The following KCNIP4 variants were observed in gnomAD, a reference collection of about 807,000 sequenced individuals.
KCNIP4 encodes the protein potassium voltage-gated channel interacting protein 4, also known as Kv channel-interacting protein 4.
KCNIP4 carries 12 observed loss-of-function variants against 34.0 expected under a neutral mutation model. The ratio of observed to expected loss-of-function variants is 0.35; its 90% CI spans 0.23 to 0.57. The LOEUF is 0.57. KCNIP4 is among the 20% of genes least tolerant of loss of function. The pLI, the probability that KCNIP4 is intolerant of heterozygous loss-of-function variation, is 0.83. For synonymous variants in KCNIP4, 124 were observed against 102.2 expected (o/e 1.21, Z -1.29); for missense variants, 238 against 311.7 (o/e 0.76, Z 1.78).
intron 1 of KCNIP4, among the ~76,000 whole-genome samples, chr4:21,726,823 G>A (rs550196228): frequency 2.6e-5 from 4 of 152,180 alleles, no homozygotes; most frequent in East Asian, 3.9e-4. Context: ...GGCTTCAATC[G>A]ATGGATCAAT....
chr4:21,141,951 A>T (rs186032266), intron 1 of KCNIP4, among the ~76,000 whole-genome samples: 9 of 151,286 alleles, frequency 5.9e-5, no homozygotes, highest in Non-Finnish European at 1.2e-4. Context: ...GAAGTTCGAG[A>T]CCAGCCTGGC....
chr4:21,448,644 A>C (rs1009458524), intron 1 of KCNIP4, among the ~76,000 whole-genome samples: 19 of 152,086 alleles, frequency 1.2e-4, no homozygotes, highest in African/African-American at 4.6e-4. Context: ...ATATACAAAA[A>C]ATGCTAAAAT....
intron 1 of KCNIP4, among the ~76,000 whole-genome samples, chr4:21,825,237 A>T (rs1440540558): frequency 6.6e-6 from 1 of 152,130 alleles, no homozygotes; most frequent in African/African-American, 2.4e-5. Context: ...AGAAAAAAAT[A>T]TGTATAAAAT....
chr4:21,938,902 T>C lies in KCNIP4; in HGVS notation c.61+9669A>G, dbSNP rs76528689. On this transcript the variant is annotated intron_variant, in intron 1 of 8. Transcript: ENST00000382152. ...TATATTCTGAAACTTTTACTAGCACTGTGTCTCTCATATAGGAGGTGATTG... is the reference window on the plus strand; with the variant it reads ...TATATTCTGAAACTTTTACTAGCACCGTGTCTCTCATATAGGAGGTGATTG... 3.3e-4 allele frequency among the ~76,000 whole-genome samples: 51 copies of C among 152,314 alleles called. 1 individual carries two copies. In the East Asian group the frequency reaches 9.3e-3, roughly 28 times the overall value.
intron 1 of KCNIP4, among the ~76,000 whole-genome samples, chr4:21,529,552 T>G (rs1736495992): frequency 6.6e-6 from 1 of 152,212 alleles, no homozygotes; most frequent in African/African-American, 2.4e-5. Flanking sequence ...TTTTTTTATC[T>G]TCTTTTTCTT....
At chr4:21,293,189 A>G (rs1423689055) in intron 1 of KCNIP4, among the ~76,000 whole-genome samples, 1 of 152,204 alleles carries the variant, frequency 6.6e-6, no homozygotes, top group East Asian at 1.9e-4. Flanking sequence ...GGTTACATTC[A>G]TAGGATATAT....
At chr4:21,178,411 C>T (rs995228635) in intron 1 of KCNIP4, among the ~76,000 whole-genome samples, 2 of 152,114 alleles carry the variant, frequency 1.3e-5, no homozygotes, top group African/African-American at 4.8e-5. Flanking sequence ...TTCCAGGTGT[C>T]ACTTAGTGTC....
intron 1 of KCNIP4, among the ~76,000 whole-genome samples, chr4:21,736,543 C>A (rs1222597709): frequency 1.3e-5 from 2 of 152,198 alleles, no homozygotes; most frequent in Admixed American, 6.5e-5. Context: ...TTCCTGGCAA[C>A]AGAATGCCCA....
intron 1 of KCNIP4, chr4:21,697,341 A>G: frequency 7.0e-7 from 1 of 1,426,524 alleles, no homozygotes; most frequent in Non-Finnish European, 9.2e-7. Flanking sequence ...AAAAAAAAAA[A>G]GTCATTACCT....
intron 1 of KCNIP4, among the ~76,000 whole-genome samples, chr4:21,758,374 A>G (rs907581977): frequency 6.6e-6 from 1 of 152,218 alleles, no homozygotes; most frequent in African/African-American, 2.4e-5. Flanking sequence ...GCATGTTTGG[A>G]AAGTGCCTTA....
chr4:21,135,746 G>C (rs1277323480), intron 1 of KCNIP4, among the ~76,000 whole-genome samples: 1 of 152,116 alleles, frequency 6.6e-6, no homozygotes, highest in Non-Finnish European at 1.5e-5. Flanking sequence ...GGCAAATCTT[G>C]GGCTCGAAAG....
intron 1 of KCNIP4, among the ~76,000 whole-genome samples, chr4:21,128,278 A>C (rs953749167): frequency 6.6e-6 from 1 of 152,218 alleles, no homozygotes; most frequent in Non-Finnish European, 1.5e-5. Flanking sequence ...AGAGAGCAGA[A>C]TCCCATGGCA....
rs894723161 is a variant in KCNIP4 at position 21,234,348 on chromosome 4, TTATA to T, written c.62-351643_62-351640del. On this transcript the variant is annotated intron_variant, in intron 1 of 8. Coordinates refer to ENST00000382152, the MANE Select transcript of KCNIP4 (RefSeq NM_025221.6). ...ATATATAAATTATATATAACATACA[TTATA>T]TATAACATATATAATATATAACATA... Among the ~76,000 whole-genome samples the T allele has an allele frequency of 1.5e-4, 14 of 95,778 alleles. 1 individual carries two copies. The highest frequency in any genetic ancestry group is 1.1e-3 in the South Asian group (3 of 2,738). The allele number at this position is 95,778 out of a possible 152,430, so 62.8% of individuals were successfully genotyped here.
At chr4:21,533,521 C>G (rs1042964667) in intron 1 of KCNIP4, among the ~76,000 whole-genome samples, 2 of 152,072 alleles carry the variant, frequency 1.3e-5, no homozygotes, top group African/African-American at 4.8e-5. Flanking sequence ...TTATTTCCAA[C>G]ACAAATTAAA....
chr4:20,945,679 G>T (rs1026287042), intron 1 of KCNIP4, among the ~76,000 whole-genome samples: 3 of 151,752 alleles, frequency 2.0e-5, no homozygotes, highest in Non-Finnish European at 2.9e-5. Flanking sequence ...CTAATTCTCA[G>T]ACTGCTTGCC....
intron 1 of KCNIP4, among the ~76,000 whole-genome samples, chr4:21,029,270 GC>G (rs1560659769): frequency 6.6e-6 from 1 of 152,090 alleles, no homozygotes; most frequent in Non-Finnish European, 1.5e-5. Flanking sequence ...CTGATCAGGG[GC>G]TCTGACTTAA....
intron 3 of KCNIP4, among the ~76,000 whole-genome samples, chr4:20,793,636 A>C (rs1713065896): frequency 6.6e-6 from 1 of 151,990 alleles, no homozygotes; most frequent in Admixed American, 6.6e-5. Context: ...TGCTTTTGGG[A>C]TGATTCAACC....
At chr4:21,406,685 T>C (rs1050417744) in intron 1 of KCNIP4, among the ~76,000 whole-genome samples, 3 of 152,210 alleles carry the variant, frequency 2.0e-5, no homozygotes, top group Non-Finnish European at 4.4e-5. Flanking sequence ...CAAGAGCCAA[T>C]ATTTTTACTT....
intron 1 of KCNIP4, among the ~76,000 whole-genome samples, chr4:21,064,778 C>G (rs532914223): frequency 5.3e-5 from 8 of 152,036 alleles, no homozygotes; most frequent in Non-Finnish European, 1.0e-4. Flanking sequence ...GTTTCTGGGA[C>G]CTCGCTAAAT....
Sources: gnomAD v4.1 joint callset for allele counts (sites outside exome capture counted in the v4.1 genomes callset) on GRCh38, gnomAD v4.1.1 for gene constraint, MANE v1.5 for transcripts, NCBI Gene and HGNC (gene_info 2026-07-23, HGNC 2026-07-21) for gene names.